The following PTPRD variants were observed in gnomAD, a reference collection of about 807,000 sequenced individuals.
The protein encoded by PTPRD is protein tyrosine phosphatase receptor type D.
Under a neutral mutation model 214.5 loss-of-function variants are expected in PTPRD, and 34 were observed. The observed-to-expected ratio is 0.16, with a 90% confidence interval of 0.12 to 0.21. PTPRD has a LOEUF of 0.21. PTPRD is among the 10% of genes least tolerant of loss of function. The pLI, the probability that PTPRD is intolerant of heterozygous loss-of-function variation, is 1.00. For synonymous variants in PTPRD, 1,128 were observed against 845.7 expected (o/e 1.33, Z -5.79); for missense variants, 2,545 against 2,398.7 (o/e 1.06, Z -1.27).
intron 11 of PTPRD, among the ~76,000 whole-genome samples, chr9:8,863,782 C>G (rs929304009): frequency 6.6e-6 from 1 of 152,080 alleles, no homozygotes. Context: ...ACTGAGGAAA[C>G]AAATTGCCTA....
At chr9:9,331,592 G>T (rs942112192) in intron 9 of PTPRD, among the ~76,000 whole-genome samples, 1 of 151,988 alleles carries the variant, frequency 6.6e-6, no homozygotes, top group Non-Finnish European at 1.5e-5. Context: ...TATAAAAGGG[G>T]TATGTTTTAC....
Position 10,212,165 on chromosome 9 carries a change from A to G in PTPRD, c.-545+128798T>C, listed in dbSNP as rs2099520352. 2.0e-5 allele frequency among the ~76,000 whole-genome samples: 3 copies of G among 152,050 alleles called. No individual in the cohort carries two copies. The East Asian group carries it at 5.8e-4, about 29-fold the overall frequency. On this transcript the variant is annotated intron_variant, in intron 3 of 45. Transcript: ENST00000381196. The stretch of plus-strand genomic sequence containing the variant: ...TCAGAGGTTTTCTCACAGCCCTGAC[A>G]CTCACTTAATATGACCATAAGCCGT...
intron 11 of PTPRD, among the ~76,000 whole-genome samples, chr9:8,750,368 G>A (rs1163355574): frequency 1.3e-5 from 2 of 151,950 alleles, no homozygotes; most frequent in South Asian, 4.2e-4. Context: ...AAGTTGGCCA[G>A]GCTGGTCTCA....
intron 2 of PTPRD, among the ~76,000 whole-genome samples, chr9:10,420,875 G>T (rs2098539323): frequency 6.6e-6 from 1 of 151,328 alleles, no homozygotes; most frequent in Non-Finnish European, 1.5e-5. Flanking sequence ...GTAATGAATG[G>T]ATATTATTTC....
At chr9:8,486,483 G>C (rs2097015500) in intron 27 of PTPRD, 134 bp from the exon 28 acceptor site, 2 of 811,462 alleles carry the variant, frequency 2.5e-6, no homozygotes, top group African/African-American at 1.7e-5. Context: ...AACAGGCAAT[G>C]TTTGACCTAC....
At chr9:9,225,760 G>C (rs1048317278) in intron 9 of PTPRD, among the ~76,000 whole-genome samples, 1 of 152,022 alleles carries the variant, frequency 6.6e-6, no homozygotes, top group Non-Finnish European at 1.5e-5. Context: ...AGAGAATTTT[G>C]CCCAATAGAA....
intron 5 of PTPRD, among the ~76,000 whole-genome samples, chr9:9,855,534 T>C (rs1030883189): frequency 6.6e-6 from 1 of 152,156 alleles, no homozygotes; most frequent in African/African-American, 2.4e-5. Context: ...CTGATCCTTT[T>C]CGTGGGAATT....
intron 14 of PTPRD, among the ~76,000 whole-genome samples, chr9:8,603,579 T>G (rs2095007071): frequency 6.6e-6 from 1 of 152,172 alleles, no homozygotes. Flanking sequence ...AATACTTCCT[T>G]TATATGAGAA....
chr9:9,186,436 C>T (rs1440839582), intron 9 of PTPRD, among the ~76,000 whole-genome samples: 1 of 152,014 alleles, frequency 6.6e-6, no homozygotes, highest in African/African-American at 2.4e-5. Context: ...ATCATAAGAT[C>T]CCATTTCTAC....
At chr9:9,250,615 T>A (rs781540840) in intron 9 of PTPRD, among the ~76,000 whole-genome samples, 2 of 152,106 alleles carry the variant, frequency 1.3e-5, no homozygotes, top group African/African-American at 4.8e-5. Flanking sequence ...TCATATGCAC[T>A]AAACTGATAA....
chr9:8,937,862 T>A (rs1209886555), intron 11 of PTPRD, among the ~76,000 whole-genome samples: 2 of 152,160 alleles, frequency 1.3e-5, no homozygotes, highest in African/African-American at 4.8e-5. Context: ...ATTCCCTGAT[T>A]CAAAGTATAA....
intron 2 of PTPRD, among the ~76,000 whole-genome samples, chr9:10,517,456 A>T (rs2050515377): frequency 6.6e-6 from 1 of 151,776 alleles, no homozygotes; most frequent in South Asian, 2.1e-4. Context: ...TTATTTCTAG[A>T]AGTATTTTTT....
At chr9:9,278,891 C>A (rs961634462) in intron 9 of PTPRD, among the ~76,000 whole-genome samples, 17 of 151,376 alleles carry the variant, frequency 1.1e-4, no homozygotes, top group African/African-American at 3.9e-4. Flanking sequence ...TTGATTAGAG[C>A]AGAGAATTTG....
At chr9:8,968,079 T>C (rs556802534) in intron 11 of PTPRD, among the ~76,000 whole-genome samples, 7 of 152,216 alleles carry the variant, frequency 4.6e-5, no homozygotes, top group Non-Finnish European at 7.4e-5. Flanking sequence ...ACAAAGGACA[T>C]GAACTCATCC....
At chr9:10,448,215 T>A (rs1299251365) in intron 2 of PTPRD, among the ~76,000 whole-genome samples, 1 of 152,042 alleles carries the variant, frequency 6.6e-6, no homozygotes, top group Non-Finnish European at 1.5e-5. Context: ...ACTTAAGGTT[T>A]TGATTCTTCC....
At chr9:9,281,206 C>A (rs1241355152) in intron 9 of PTPRD, among the ~76,000 whole-genome samples, 1 of 151,016 alleles carries the variant, frequency 6.6e-6, no homozygotes, top group Non-Finnish European at 1.5e-5. Context: ...ATGGTGATGG[C>A]TTTTTATATA....
chr9:8,753,712 A>G (rs2093731111), intron 11 of PTPRD, among the ~76,000 whole-genome samples: 1 of 152,250 alleles, frequency 6.6e-6, no homozygotes, highest in African/African-American at 2.4e-5. Flanking sequence ...TGCTATTTAT[A>G]GCAGCATCAA....
chr9:9,757,301 CTATT>C (rs2154472721), intron 6 of PTPRD, among the ~76,000 whole-genome samples: 1 of 152,210 alleles, frequency 6.6e-6, no homozygotes, highest in East Asian at 1.9e-4. Flanking sequence ...GCACATAAAT[CTATT>C]TAAATATCAT....
Position 8,777,777 on chromosome 9 carries a change from T to C in PTPRD, c.-103-43831A>G, listed in dbSNP as rs142965884. ...CCTGATTTATGCAGTCCTATATTCATTGTACCAAAGATATGATCCTATGGG... is the reference window on the plus strand; with the variant it reads ...CCTGATTTATGCAGTCCTATATTCACTGTACCAAAGATATGATCCTATGGG... On this transcript the variant is annotated intron_variant, in intron 11 of 45. Coordinates refer to ENST00000381196, the MANE Select transcript of PTPRD (RefSeq NM_002839.4). 6.9e-4 allele frequency among the ~76,000 whole-genome samples: 105 copies of C among 152,336 alleles called. 4 individuals carry two copies. In the East Asian group the frequency reaches 8.1e-3, roughly 12 times the overall value.
Sources: gnomAD v4.1 joint callset for allele counts (sites outside exome capture counted in the v4.1 genomes callset) on GRCh38, gnomAD v4.1.1 for gene constraint, MANE v1.5 for transcripts, NCBI Gene and HGNC (gene_info 2026-07-23, HGNC 2026-07-21) for gene names.